CATSPERE: variants seen among roughly 807,000 people sequenced by gnomAD.
CATSPERE encodes catsper channel auxiliary subunit epsilon, also known as cation channel sperm-associated auxiliary subunit epsilon.
CATSPERE carries 93 observed loss-of-function variants against 114.1 expected under a neutral mutation model. That is an observed-to-expected ratio of 0.81 (90% CI 0.69 to 0.97). CATSPERE has a LOEUF of 0.97. Ranked by LOEUF, CATSPERE falls within the 50% of genes least tolerant of loss-of-function variation. The probability of loss-of-function intolerance (pLI) is 0.00; values close to 1 mark genes in which losing one functional copy is unlikely to be tolerated. For missense variants in CATSPERE, 1,058 were observed against 1,131.6 expected, an observed-to-expected ratio of 0.93 and a Z score of 0.93; for synonymous variants, 341 against 384.1, an observed-to-expected ratio of 0.89 and a Z score of 1.31.
intron 5 of CATSPERE, among the ~76,000 whole-genome samples, chr1:244,480,757 G>A (rs1266744245): frequency 6.6e-6 from 1 of 152,076 alleles, no homozygotes; most frequent in Non-Finnish European, 1.5e-5. Flanking sequence ...TAATACCGAG[G>A]TTTCAGCAAG....
At chr1:244,527,561 C>T (rs1389364112) in intron 8 of CATSPERE, among the ~76,000 whole-genome samples, 3 of 152,042 alleles carry the variant, frequency 2.0e-5, no homozygotes, top group African/African-American at 7.2e-5. Context: ...TCACAGGGTC[C>T]CGAGGCAACA....
At chr1:244,508,297 T>C (rs1479507286) in intron 7 of CATSPERE, among the ~76,000 whole-genome samples, 1 of 150,842 alleles carries the variant, frequency 6.6e-6, no homozygotes, top group Non-Finnish European at 1.5e-5. Flanking sequence ...TACTGTTTTT[T>C]CTTTTCTTTT....
At chr1:244,561,978 C>T (rs1300825167) in intron 10 of CATSPERE, among the ~76,000 whole-genome samples, 5 of 151,792 alleles carry the variant, frequency 3.3e-5, no homozygotes, top group Non-Finnish European at 5.9e-5. Context: ...ATGGTGAGAC[C>T]TCATCCCTAC....
In CATSPERE at chr1:244,575,182, T is replaced by C. The variant is rs1373978061; in HGVS notation, c.1950+2410T>C. 6.6e-6 allele frequency among the ~76,000 whole-genome samples: 1 copy of C among 152,214 alleles called. No homozygotes were observed. The highest frequency in any genetic ancestry group is 1.9e-4 in the East Asian group (1 of 5,178). On this transcript the variant is annotated intron_variant, in intron 11 of 21. Transcript: ENST00000366534. The surrounding 1 kb of genome is among the most constrained non-coding windows in gnomAD (Gnocchi z 4.5). ...TTTTCCTTTTTACTTTCTCCCTTCC[T>C]CTCTTACACTTAGTTTCTTGGGCTG...
intron 7 of CATSPERE, chr1:244,515,373 G>A (rs952998930): frequency 1.1e-6 from 1 of 942,402 alleles, no homozygotes; most frequent in Admixed American, 6.2e-5. Context: ...TATAAATGCA[G>A]GTTTGAGAGG....
chr1:244,591,834 C>T (rs1236054507), intron 15 of CATSPERE, 103 bp downstream of exon 15: 12 of 709,036 alleles, frequency 1.7e-5, no homozygotes, highest in Admixed American at 6.3e-5. Context: ...TCCATGTGTT[C>T]GGCTTGACAC....
intron 2 of CATSPERE, among the ~76,000 whole-genome samples, chr1:244,473,116 G>A (rs1344624510): frequency 6.6e-6 from 1 of 152,104 alleles, no homozygotes; most frequent in Admixed American, 6.6e-5. Flanking sequence ...ACCCCATTTG[G>A]GTGAATACCA....
intron 10 of CATSPERE, among the ~76,000 whole-genome samples, chr1:244,571,121 A>G (rs1470343684): frequency 1.3e-5 from 2 of 152,250 alleles, no homozygotes; most frequent in Non-Finnish European, 2.9e-5. Context: ...TTTATTCAGC[A>G]TGGAATTATA....
intron 17 of CATSPERE, among the ~76,000 whole-genome samples, chr1:244,603,557 C>A (rs954860607): frequency 1.3e-5 from 2 of 152,056 alleles, no homozygotes; most frequent in Non-Finnish European, 2.9e-5. Flanking sequence ...TGTAAAAGAT[C>A]TTTACAAACC....
At chr1:244,595,911 C>T (rs765386961) in intron 17 of CATSPERE, among the ~76,000 whole-genome samples, 2 of 151,834 alleles carry the variant, frequency 1.3e-5, no homozygotes, top group East Asian at 1.9e-4. Flanking sequence ...CTAGCCTGGG[C>T]GACAGAGCGA....
intron 19 of CATSPERE, 184 bp downstream of exon 19, chr1:244,610,510 T>C: frequency 1.5e-6 from 1 of 685,046 alleles, no homozygotes; most frequent in Non-Finnish European, 2.7e-6. Flanking sequence ...GTGTGATCTT[T>C]TGTTGGTTCT....
chr1:244,588,798 G>A (rs1414596410), intron 14 of CATSPERE, among the ~76,000 whole-genome samples: 1 of 152,158 alleles, frequency 6.6e-6, no homozygotes, highest in East Asian at 1.9e-4. Flanking sequence ...TAATAAGCCA[G>A]TTTCTGTCCT....
At chr1:244,550,907 T>A (rs1055749471) in intron 8 of CATSPERE, among the ~76,000 whole-genome samples, 1 of 152,346 alleles carries the variant, frequency 6.6e-6, no homozygotes, top group East Asian at 1.9e-4. Flanking sequence ...AAATGTTCAG[T>A]ACTTCTAAGA....
intron 17 of CATSPERE, among the ~76,000 whole-genome samples, chr1:244,595,511 C>T (rs371354870): frequency 3.3e-5 from 5 of 152,066 alleles, no homozygotes; most frequent in East Asian, 3.9e-4. Flanking sequence ...ATAGTTCAAA[C>T]GGTGTGATAT....
chr1:244,553,602 T>TACACACACACACACACAC (rs67626437), intron 9 of CATSPERE, among the ~76,000 whole-genome samples: 8 of 91,942 alleles, frequency 8.7e-5, no homozygotes, highest in South Asian at 4.1e-4. Context: ...AAAAAAAAAA[T>TACACACACACACACACAC]ACACACACAC....
chr1:244,490,719 G>C (rs559762929), intron 6 of CATSPERE, among the ~76,000 whole-genome samples: 1 of 151,434 alleles, frequency 6.6e-6, no homozygotes, highest in Admixed American at 6.6e-5. Flanking sequence ...CCAACAACTT[G>C]GCTGAAGGAG....
intron 2 of CATSPERE, among the ~76,000 whole-genome samples, chr1:244,473,941 T>C (rs1462657986): frequency 2.6e-5 from 4 of 152,208 alleles, no homozygotes; most frequent in African/African-American, 4.8e-5. Flanking sequence ...ATTTTTGTTT[T>C]AGTGGCTACC....
At chr1:244,543,150 A>T (rs1659138754) in intron 8 of CATSPERE, among the ~76,000 whole-genome samples, 1 of 152,194 alleles carries the variant, frequency 6.6e-6, no homozygotes, top group African/African-American at 2.4e-5. Context: ...ATCCAAAGGA[A>T]TGGAAATCAA....
intron 20 of CATSPERE, among the ~76,000 whole-genome samples, chr1:244,618,541 G>T (rs1671681516): frequency 6.6e-6 from 1 of 152,218 alleles, no homozygotes; most frequent in African/African-American, 2.4e-5. Context: ...AGCACTTTGA[G>T]AGGTCAAGGC....
Sources: gnomAD v4.1 joint callset for allele counts (sites outside exome capture counted in the v4.1 genomes callset) on GRCh38, gnomAD v4.1.1 for gene constraint, Gnocchi (gnomAD v3.1) non-coding constraint, MANE v1.5 for transcripts, NCBI Gene and HGNC (gene_info 2026-07-23, HGNC 2026-07-21) for gene names.